Variants in ITGB8 observed in about 807,000 individuals in gnomAD.
The protein encoded by ITGB8 is integrin subunit beta 8, also known as integrin beta-8.
Under a neutral mutation model 89.5 loss-of-function variants are expected in ITGB8, and 30 were observed. That is an observed-to-expected ratio of 0.34 (90% CI 0.25 to 0.45). The LOEUF (loss-of-function observed/expected upper bound fraction) is 0.45, where lower values mean the gene tolerates loss of function less well. Among genes scored for constraint, ITGB8 ranks in the 20% least tolerant of loss-of-function variants. The pLI, the probability that ITGB8 is intolerant of heterozygous loss-of-function variation, is 1.00. For synonymous variants in ITGB8, 335 were observed against 320.4 expected, an observed-to-expected ratio of 1.05 and a Z score of -0.49; for missense variants, 836 against 933.3, an observed-to-expected ratio of 0.90 and a Z score of 1.36.
chr7:20,346,641 G>A (rs940885921), intron 1 of ITGB8: 12 of 898,666 alleles, frequency 1.3e-5, no homozygotes, highest in South Asian at 5.1e-5. Flanking sequence ...GTTCTGAAGT[G>A]AGGCGTTGAC....
intron 1 of ITGB8, among the ~76,000 whole-genome samples, chr7:20,346,213 T>A (rs1404456635): frequency 6.6e-6 from 1 of 152,110 alleles, no homozygotes; most frequent in East Asian, 1.9e-4. Context: ...CGATTACTCA[T>A]GAGGTCAGGG....
At chr7:20,381,948 G>A in intron 6 of ITGB8, 63 bp downstream of exon 6, 1 of 1,367,440 alleles carries the variant, frequency 7.3e-7, no homozygotes, top group African/African-American at 1.5e-5. Flanking sequence ...TTTTAAATTG[G>A]CAACTCAACT....
At chr7:20,394,313 C>G (rs910900661) in intron 7 of ITGB8, among the ~76,000 whole-genome samples, 2 of 152,142 alleles carry the variant, frequency 1.3e-5, no homozygotes, top group Admixed American at 6.5e-5. Context: ...TTTGCTCATT[C>G]TCCCTAAAAA....
At chr7:20,397,000 C>G (rs140019242) in intron 8 of ITGB8, among the ~76,000 whole-genome samples, 109 of 152,200 alleles carry the variant, frequency 7.2e-4, no homozygotes, top group African/African-American at 2.4e-3. Flanking sequence ...TATCAAAAAT[C>G]TTCTAAACTT....
At chr7:20,386,624 G>C (rs1165577155) in intron 6 of ITGB8, among the ~76,000 whole-genome samples, 1 of 151,902 alleles carries the variant, frequency 6.6e-6, no homozygotes, top group Non-Finnish European at 1.5e-5. Flanking sequence ...CTCAAAAAGA[G>C]TGGCCTGGAA....
At position 20,367,025 on chromosome 7, in the gene ITGB8, G is replaced by A. The variant is rs376359729; in HGVS notation, c.227G>A (p.Gly76Asp). ...GWCVQEDFIS[G>D]GSRSERCDIV... ...TCTTTTAAACAGGATTTCATTTCAG[G>A]TGGATCAAGAAGTGAACGTTGTGAT... The change falls in exon 3 of 14, where the codon GGT (glycine) becomes GAT (aspartate). Residue 76 changes from glycine to aspartate, a missense_variant. Transcript: ENST00000222573. 1.2e-5 allele frequency: 20 copies of A among 1,606,854 alleles called. No homozygotes were observed. Among genetic ancestry groups the A allele is most frequent in the African/African-American group, 8.1e-5 (6 of 74,466 alleles).
chr7:20,386,624 GT>G (rs1185533802), intron 6 of ITGB8, among the ~76,000 whole-genome samples: 16 of 152,020 alleles, frequency 1.1e-4, no homozygotes, highest in African/African-American at 3.9e-4. Flanking sequence ...CTCAAAAAGA[GT>G]GGCCTGGAAA....
intron 1 of ITGB8, among the ~76,000 whole-genome samples, chr7:20,343,855 G>C (rs1784838988): frequency 1.3e-5 from 2 of 152,168 alleles, no homozygotes; most frequent in Admixed American, 1.3e-4. Flanking sequence ...TTTATATTCT[G>C]ACTCTTGCTT....
intron 11 of ITGB8, 152 bp downstream of exon 11, chr7:20,405,005 A>C (rs1787475409): frequency 1.4e-6 from 1 of 713,030 alleles, no homozygotes; most frequent in Non-Finnish European, 2.4e-6. Flanking sequence ...AGAAGACTTG[A>C]ATTCAAATCT....
intron 4 of ITGB8, chr7:20,380,352 T>C (rs1188615665): frequency 4.2e-6 from 1 of 239,390 alleles, no homozygotes; most frequent in African/African-American, 2.3e-5. Context: ...TGCACATTCT[T>C]ATATTCACCT....
chr7:20,397,506 G>A (rs1344978674), intron 8 of ITGB8, among the ~76,000 whole-genome samples: 2 of 152,148 alleles, frequency 1.3e-5, no homozygotes, highest in African/African-American at 4.8e-5. Flanking sequence ...GATTACAGGC[G>A]TGAGCCACCA....
rs1012265470 is a variant in ITGB8 at position 20,353,945 on chromosome 7, A to AG, written c.128-9692_128-9691insG. Reference sequence around the variant, plus strand: ...AGACTCCGTCTCAAAAAAAAAAAAAAAAAAAAAAAAAGAAAACGGTAATCT... The same window carrying AG: ...AGACTCCGTCTCAAAAAAAAAAAAAAGAAAAAAAAAAAGAAAACGGTAATCT... On this transcript the variant is annotated intron_variant, in intron 1 of 13. Coordinates refer to ENST00000222573, the MANE Select transcript of ITGB8 (RefSeq NM_002214.3). Among the ~76,000 whole-genome samples the AG allele has an allele frequency of 3.4e-5, 5 of 145,868 alleles. 1 individual carries two copies. The highest frequency in any genetic ancestry group is 1.4e-4 in the African/African-American group (5 of 36,606).
At chr7:20,405,471 G>A (rs1004181056) in intron 11 of ITGB8, among the ~76,000 whole-genome samples, 2 of 144,842 alleles carry the variant, frequency 1.4e-5, no homozygotes, top group Admixed American at 6.8e-5. Flanking sequence ...CCACCACGCC[G>A]GGCTAATTTT....
chr7:20,339,976 C>A (rs188721952), intron 1 of ITGB8, among the ~76,000 whole-genome samples: 6 of 152,010 alleles, frequency 3.9e-5, no homozygotes, highest in Non-Finnish European at 8.8e-5. Context: ...TGCAGTGAGC[C>A]GAGATTGTGC....
intron 7 of ITGB8, among the ~76,000 whole-genome samples, chr7:20,393,755 G>A (rs552469408): frequency 6.6e-6 from 1 of 152,276 alleles, no homozygotes; most frequent in Admixed American, 6.5e-5. Context: ...CGCTTCTCAT[G>A]TCTGGAAGCC....
At chr7:20,389,312 C>T (rs923653186) in intron 6 of ITGB8, among the ~76,000 whole-genome samples, 2 of 152,242 alleles carry the variant, frequency 1.3e-5, no homozygotes, top group African/African-American at 4.8e-5. Context: ...TTTTAATGAT[C>T]GCCATTCTAA....
chr7:20,351,575 T>C (rs1339071303), intron 1 of ITGB8, among the ~76,000 whole-genome samples: 2 of 152,264 alleles, frequency 1.3e-5, no homozygotes, highest in African/African-American at 4.8e-5. Context: ...ATGTATAGAT[T>C]TAATTTTCAA....
intron 1 of ITGB8, among the ~76,000 whole-genome samples, chr7:20,349,720 C>A (rs1785048884): frequency 6.6e-6 from 1 of 152,138 alleles, no homozygotes; most frequent in Non-Finnish European, 1.5e-5. Flanking sequence ...CATAAGATGT[C>A]ACTGGATTTT....
intron 1 of ITGB8, among the ~76,000 whole-genome samples, chr7:20,342,422 T>A (rs901947797): frequency 1.3e-5 from 2 of 152,190 alleles, no homozygotes; most frequent in African/African-American, 4.8e-5. Context: ...AAAAACATTA[T>A]CCTTAAAAGT....
Sources: allele counts gnomAD v4.1 joint callset (sites outside exome capture counted in the v4.1 genomes callset), GRCh38; gene constraint gnomAD v4.1.1; transcripts MANE v1.5; gene names NCBI Gene and HGNC (gene_info 2026-07-23, HGNC 2026-07-21).